The following MYO10 variants were observed in gnomAD, a reference collection of about 807,000 sequenced individuals.
MYO10 encodes myosin X, also known as unconventional myosin-X.
In MYO10, 133 loss-of-function variants were observed where a neutral mutation model predicts 257.3. The observed-to-expected ratio is 0.52, with a 90% CI of 0.45 to 0.60. MYO10 has a LOEUF of 0.60. MYO10 is among the 20% of genes least tolerant of loss of function. The pLI is 0.00. For synonymous variants in MYO10, 1,104 were observed against 1,028.6 expected, an observed-to-expected ratio of 1.07 and a Z score of -1.40; for missense variants, 2,399 against 2,635.7, an observed-to-expected ratio of 0.91 and a Z score of 1.97.
At chr5:16,679,374 C>T (rs940846609) in intron 33 of MYO10, among the ~76,000 whole-genome samples, 102 of 152,338 alleles carry the variant, frequency 6.7e-4, no homozygotes, top group African/African-American at 2.4e-3. Context: ...TCCTTCTGCC[C>T]ACAGAACCCA....
intron 33 of MYO10, 117 bp from the exon 34 acceptor site, chr5:16,676,271 T>C (rs935158164): frequency 4.0e-5 from 50 of 1,257,178 alleles, no homozygotes; most frequent in Non-Finnish European, 4.9e-5. Flanking sequence ...GGAAATCCAG[T>C]GTTAGGTGGT....
chr5:16,935,824 C>T lies in MYO10; in HGVS notation c.-16G>A. The T allele has an allele frequency of 6.2e-7, 1 of 1,612,766 alleles. No individual in the cohort carries two copies. The highest frequency in any genetic ancestry group is 8.5e-7 in the Non-Finnish European group (1 of 1,179,562). ...AGTTATCCATTGTTCCAGCGCAGTC[C>T]CGGACTCGCCGAGTGCCGCTCCGAC... On this transcript the variant is annotated 5_prime_UTR_variant, in exon 1 of 41. Transcript: ENST00000513610.
At chr5:16,898,413 C>CTTTT (rs34185618) in intron 1 of MYO10, among the ~76,000 whole-genome samples, 3 of 136,974 alleles carry the variant, frequency 2.2e-5, no homozygotes, top group African/African-American at 2.7e-5. Context: ...ATTTCTTTCT[C>CTTTT]TTTTTTTTTT....
intron 8 of MYO10, 34 bp downstream of exon 8, chr5:16,780,490 C>T (rs1348925468): frequency 6.7e-7 from 1 of 1,497,086 alleles, no homozygotes; most frequent in South Asian, 1.2e-5. Context: ...AAATGAGTTG[C>T]TAGTCCACAT....
chr5:16,888,423 C>A (rs986875603), intron 1 of MYO10, among the ~76,000 whole-genome samples: 3 of 151,734 alleles, frequency 2.0e-5, no homozygotes, highest in Admixed American at 2.0e-4. Context: ...TGGAGAAACC[C>A]CATCTCTACT....
At position 16,766,077 on chromosome 5, in the gene MYO10, T is replaced by C. The variant is rs1289436851; in HGVS notation, c.1179+3A>G. 24 of 1,595,292 alleles carry C rather than the reference T, an allele frequency of 1.5e-5. No individual in the cohort carries two copies. In the East Asian group the frequency reaches 4.9e-4, roughly 33 times the overall value. On this transcript the variant is annotated splice_donor_region_variant and intron_variant, in intron 11 of 40. Coordinates refer to ENST00000513610, the MANE Select transcript of MYO10 (RefSeq NM_012334.3). ...GCAAGATCAGATGGCAAAGCGTGTG[T>C]ACCTGTTGAACATTGAGAGGCGTGA... is the stretch of plus-strand genomic sequence containing the variant.
chr5:16,724,773 T>C (rs1041337623), intron 19 of MYO10, among the ~76,000 whole-genome samples: 3 of 150,310 alleles, frequency 2.0e-5, no homozygotes, highest in Non-Finnish European at 3.0e-5. Context: ...TCTGGGTGTA[T>C]ATATGCATAT....
chr5:16,829,706 C>T (rs971377348), intron 2 of MYO10, among the ~76,000 whole-genome samples: 1 of 152,102 alleles, frequency 6.6e-6, no homozygotes, highest in African/African-American at 2.4e-5. Flanking sequence ...GTGCCAGCAG[C>T]ACATCTGCCA....
At chr5:16,737,773 A>C (rs978004247) in intron 19 of MYO10, among the ~76,000 whole-genome samples, 1 of 152,198 alleles carries the variant, frequency 6.6e-6, no homozygotes, top group Admixed American at 6.5e-5. Context: ...TAGCAGGTAG[A>C]TGCCAGCGCT....
chr5:16,932,472 TTTA>T (rs1422825633), intron 1 of MYO10, among the ~76,000 whole-genome samples: 1 of 152,188 alleles, frequency 6.6e-6, no homozygotes, highest in Non-Finnish European at 1.5e-5. Flanking sequence ...GTTTGCTTTT[TTTA>T]TTATTATTGC....
chr5:16,878,680 C>T (rs1246424483), intron 1 of MYO10, among the ~76,000 whole-genome samples: 1 of 152,176 alleles, frequency 6.6e-6, no homozygotes, highest in Non-Finnish European at 1.5e-5. Context: ...ATGGCATTCA[C>T]AACAACGTGG....
At chr5:16,873,750 AC>A (rs1744512012) in intron 2 of MYO10, among the ~76,000 whole-genome samples, 1 of 152,096 alleles carries the variant, frequency 6.6e-6, no homozygotes, top group Non-Finnish European at 1.5e-5. Flanking sequence ...TGGGGATTCT[AC>A]CCTCTGAAGC....
chr5:16,719,916 A>AT (rs1419240792), intron 19 of MYO10, among the ~76,000 whole-genome samples: 1 of 152,060 alleles, frequency 6.6e-6, no homozygotes, highest in African/African-American at 2.4e-5. Context: ...GTGGGCCGAG[A>AT]TTGTACCATT....
At chr5:16,673,603 A>C in intron 36 of MYO10, 79 bp downstream of exon 36, 1 of 1,468,148 alleles carries the variant, frequency 6.8e-7, no homozygotes, top group Non-Finnish European at 9.3e-7. Flanking sequence ...AGCCACTCTA[A>C]TGCTGCACAA....
intron 2 of MYO10, among the ~76,000 whole-genome samples, chr5:16,844,967 C>G (rs141392314): frequency 3.3e-5 from 5 of 152,040 alleles, no homozygotes; most frequent in African/African-American, 1.2e-4. Context: ...CACACACACA[C>G]ACACACACAC....
chr5:16,873,753 C>T lies in MYO10; in HGVS notation c.120+3856G>A, dbSNP rs371048814. Among the ~76,000 whole-genome samples the T allele has an allele frequency of 5.3e-5, 8 of 152,326 alleles. No individual in the cohort carries two copies. The East Asian group carries it at 1.5e-3, about 29-fold the overall frequency. ...GCTGCCAAGGCTTGGGGATTCTACC[C>T]TCTGAAGCCACAGCCTGAGCTGTAC... On this transcript the variant is annotated intron_variant, in intron 2 of 40. Transcript: ENST00000513610.
At chr5:16,914,988 A>G (rs1745774816) in intron 1 of MYO10, among the ~76,000 whole-genome samples, 1 of 152,226 alleles carries the variant, frequency 6.6e-6, no homozygotes, top group Non-Finnish European at 1.5e-5. Flanking sequence ...CAGAAATGCC[A>G]AAGTCACCAG....
At chr5:16,779,140 A>C (rs1741325322) in intron 9 of MYO10, among the ~76,000 whole-genome samples, 1 of 152,222 alleles carries the variant, frequency 6.6e-6, no homozygotes, top group Non-Finnish European at 1.5e-5. Context: ...AATGGCTGGC[A>C]GATTTGTTAT....
intron 21 of MYO10, among the ~76,000 whole-genome samples, chr5:16,710,165 A>T (rs527649257): frequency 1.3e-5 from 2 of 152,180 alleles, no homozygotes; most frequent in Admixed American, 6.5e-5. Context: ...CTTCGAGGAC[A>T]CATGTGTCCT....
Sources: gnomAD v4.1 joint callset for allele counts (sites outside exome capture counted in the v4.1 genomes callset) on GRCh38, gnomAD v4.1.1 for gene constraint, MANE v1.5 for transcripts, NCBI Gene and HGNC (gene_info 2026-07-23, HGNC 2026-07-21) for gene names.